The following SUMF1 variants were observed in gnomAD, a reference collection of about 807,000 sequenced individuals.
SUMF1 encodes the protein formylglycine-generating enzyme.
In SUMF1, 48 loss-of-function variants were observed where a neutral mutation model predicts 47.6. The observed-to-expected ratio is 1.01, with a 90% CI of 0.80 to 1.28. The LOEUF is 1.28. Among genes scored for constraint, SUMF1 ranks in the 50% most tolerant of loss-of-function variants. The pLI is 0.00. For missense variants in SUMF1, 571 were observed against 485.4 expected (o/e 1.18, Z -1.66); for synonymous variants, 230 against 192.1 (o/e 1.20, Z -1.63).
chr3:4,131,632 G>T, intron 8 of SUMF1, among the ~76,000 whole-genome samples: 1 of 152,136 alleles, frequency 6.6e-6, no homozygotes, highest in Middle Eastern at 3.2e-3. Flanking sequence ...CTAATGGTTT[G>T]GCTGGAAGGT....
intron 8 of SUMF1, among the ~76,000 whole-genome samples, chr3:4,087,045 A>G (rs146695225): frequency 4.1e-4 from 62 of 152,268 alleles, no homozygotes; most frequent in African/African-American, 1.4e-3. Context: ...TAACTTCCCA[A>G]AAAACATCTA....
chr3:4,152,435 A>G (rs1334584857), intron 8 of SUMF1, among the ~76,000 whole-genome samples: 1 of 150,348 alleles, frequency 6.7e-6, no homozygotes, highest in Non-Finnish European at 1.5e-5. Flanking sequence ...CTACAGGCAC[A>G]GGCCCCAACA....
chr3:4,189,692 A>C (rs1695274764), intron 8 of SUMF1, among the ~76,000 whole-genome samples: 1 of 116,070 alleles, frequency 8.6e-6, no homozygotes, highest in South Asian at 2.8e-4. Context: ...CAAGATTTTG[A>C]AGAACTAAAG....
chr3:4,159,112 CTG>C (rs1191664081), intron 8 of SUMF1, among the ~76,000 whole-genome samples: 1 of 151,196 alleles, frequency 6.6e-6, no homozygotes, highest in African/African-American at 2.5e-5. Context: ...TAATAATATT[CTG>C]TGTTTCTCTG....
intron 8 of SUMF1, chr3:4,316,069 GT>G: frequency 2.8e-6 from 1 of 353,532 alleles, no homozygotes; most frequent in South Asian, 4.7e-5. Flanking sequence ...AAAAAAAAAA[GT>G]AACAGTTTTT....
intron 1 of SUMF1, among the ~76,000 whole-genome samples, chr3:4,460,911 T>C (rs1302758551): frequency 6.6e-6 from 1 of 151,972 alleles, no homozygotes; most frequent in Non-Finnish European, 1.5e-5. Context: ...TGCTTCAGCC[T>C]CCCAAAGTGC....
intron 8 of SUMF1, among the ~76,000 whole-genome samples, chr3:4,106,500 T>A (rs564349729): frequency 1.3e-5 from 2 of 152,288 alleles, no homozygotes; most frequent in Admixed American, 1.3e-4. Flanking sequence ...TCCCTTTTCT[T>A]TTAATCAGAA....
chr3:4,224,996 T>A (rs1328402969), intron 8 of SUMF1, among the ~76,000 whole-genome samples: 1 of 152,080 alleles, frequency 6.6e-6, no homozygotes, highest in African/African-American at 2.4e-5. Flanking sequence ...TCTTGGACAA[T>A]CAAGGGTTCT....
In SUMF1 at chr3:4,209,007, T is replaced by A. The variant is rs551470526; in HGVS notation, c.1015-140262A>T. The stretch of plus-strand genomic sequence containing the variant: ...CTTTGTCTGGCTTCATTAAAATGAG[T>A]TGGGTAGAAGTTCTCTCCTATCTGT... On this transcript the variant is annotated intron_variant and NMD_transcript_variant, in intron 8 of 12. Transcript: ENST00000448413. 2.3e-3 allele frequency among the ~76,000 whole-genome samples: 344 copies of A among 152,138 alleles called. 3 individuals carry two copies. The highest frequency in any genetic ancestry group is 4.5e-3 in the Admixed American group (68 of 15,274).
intron 9 of SUMF1, among the ~76,000 whole-genome samples, chr3:4,045,857 T>A (rs929531673): frequency 1.3e-5 from 2 of 152,100 alleles, no homozygotes; most frequent in Admixed American, 6.5e-5. Context: ...ATGAGGTCTA[T>A]GTTCAAACAG....
At chr3:4,078,950 G>T (rs1021570962) in intron 8 of SUMF1, among the ~76,000 whole-genome samples, 1 of 151,988 alleles carries the variant, frequency 6.6e-6, no homozygotes, top group Non-Finnish European at 1.5e-5. Context: ...CGCTGCAGAA[G>T]GTGTCCATCA....
intron 8 of SUMF1, among the ~76,000 whole-genome samples, chr3:4,298,246 G>C (rs1048174754): frequency 5.9e-5 from 9 of 152,088 alleles, no homozygotes; most frequent in Non-Finnish European, 1.2e-4. Flanking sequence ...CAAGGTTCCT[G>C]GTCAATGAAA....
At chr3:4,185,726 A>C (rs1695187939) in intron 8 of SUMF1, among the ~76,000 whole-genome samples, 1 of 152,228 alleles carries the variant, frequency 6.6e-6, no homozygotes, top group Non-Finnish European at 1.5e-5. Flanking sequence ...AGATAGTGAG[A>C]GTATAATTTT....
intron 8 of SUMF1, among the ~76,000 whole-genome samples, chr3:4,147,954 G>C (rs1403657123): frequency 6.6e-6 from 1 of 152,010 alleles, no homozygotes; most frequent in Non-Finnish European, 1.5e-5. Flanking sequence ...AAGCAGCTCC[G>C]CACTATGCTA....
chr3:4,316,212 A>G lies in SUMF1; in HGVS notation c.1014+60118T>C, dbSNP rs532809893. The G allele has an allele frequency of 8.6e-6, 6 of 695,056 alleles. No homozygotes were observed. In the African/African-American group the frequency reaches 1.1e-4, roughly 12 times the overall value. The allele number at this position is 695,056 out of a possible 1,614,324, so 43.1% of individuals were successfully genotyped here. ...TACTTGCTGTTTATGTTTATTTTAG[A>G]CTATGAAAATGATGTTAGACAAAAA... is the stretch of plus-strand genomic sequence containing the variant. On this transcript the variant is annotated intron_variant and NMD_transcript_variant, in intron 8 of 12. Transcript: ENST00000448413.
At chr3:4,081,630 G>A (rs926349506) in intron 8 of SUMF1, among the ~76,000 whole-genome samples, 1 of 152,060 alleles carries the variant, frequency 6.6e-6, no homozygotes, top group Non-Finnish European at 1.5e-5. Flanking sequence ...TTTGACCATG[G>A]CCAGGTTACT....
At chr3:4,173,926 TA>T (rs1366418152) in intron 8 of SUMF1, among the ~76,000 whole-genome samples, 1 of 152,072 alleles carries the variant, frequency 6.6e-6, no homozygotes, top group African/African-American at 2.4e-5. Flanking sequence ...ATACCTAATG[TA>T]AGTGACAGGT....
chr3:4,092,902 T>C (rs1019710528), intron 8 of SUMF1, among the ~76,000 whole-genome samples: 1 of 152,052 alleles, frequency 6.6e-6, no homozygotes, highest in Non-Finnish European at 1.5e-5. Context: ...GAAAAGTAAA[T>C]TTTGGTGTGT....
chr3:4,375,602 C>T (rs1389057908), intron 8 of SUMF1, among the ~76,000 whole-genome samples: 1 of 152,076 alleles, frequency 6.6e-6, no homozygotes, highest in East Asian at 1.9e-4. Context: ...TCTCTAACCA[C>T]CTGGACTGAA....
Sources: allele counts gnomAD v4.1 joint callset (sites outside exome capture counted in the v4.1 genomes callset), GRCh38; gene constraint gnomAD v4.1.1; transcripts MANE v1.5; gene names NCBI Gene and HGNC (gene_info 2026-07-23, HGNC 2026-07-21).